The following DIP2B variants were observed in gnomAD, a reference collection of about 807,000 sequenced individuals.
The protein encoded by DIP2B is disco-interacting protein 2 homolog B.
DIP2B carries 76 observed loss-of-function variants against 198.0 expected under a neutral mutation model. The observed-to-expected ratio is 0.38, with a 90% CI of 0.32 to 0.46. The LOEUF (loss-of-function observed/expected upper bound fraction) is 0.46. Among genes scored for constraint, DIP2B ranks in the 20% least tolerant of loss-of-function variants. The pLI, the probability that DIP2B is intolerant of heterozygous loss-of-function variation, is 0.99. For missense variants in DIP2B, 1,559 were observed against 1,978.4 expected, an observed-to-expected ratio of 0.79 and a Z score of 4.02; for synonymous variants, 701 against 739.1, an observed-to-expected ratio of 0.95 and a Z score of 0.84.
At chr12:50,531,486 G>C (rs1019281923) in intron 1 of DIP2B, among the ~76,000 whole-genome samples, 1 of 152,206 alleles carries the variant, frequency 6.6e-6, no homozygotes, top group Non-Finnish European at 1.5e-5. Flanking sequence ...AAAACAACAA[G>C]GAGTATTAAG....
intron 1 of DIP2B, among the ~76,000 whole-genome samples, chr12:50,560,499 C>T (rs899539370): frequency 6.6e-6 from 1 of 151,908 alleles, no homozygotes; most frequent in African/African-American, 2.4e-5. Context: ...ACCTGGGAGG[C>T]GGAGGTTACA....
intron 4 of DIP2B, among the ~76,000 whole-genome samples, chr12:50,660,842 ATGTG>A (rs757629027): frequency 1.3e-4 from 20 of 152,034 alleles, no homozygotes; most frequent in African/African-American, 3.9e-4. Flanking sequence ...AAGTGTGTTT[ATGTG>A]TGTGTGTGTT....
At position 50,540,053 on chromosome 12, in the gene DIP2B, GTTTTTTTTTTTTTT is replaced by G. The variant is rs60978324; in HGVS notation, c.100+34829_100+34842del. 5.5e-3 allele frequency among the ~76,000 whole-genome samples: 242 copies of G among 44,182 alleles called. 1 individual carries two copies. The highest frequency in any genetic ancestry group is 0.01 in the South Asian group (12 of 1,162). 29.0% of individuals were successfully genotyped at this position (44,182 alleles called of 152,430 possible). The stretch of plus-strand genomic sequence containing the variant: ...TGGCAGGTAGTTTAGTTGTTTCTGT[GTTTTTTTTTTTTTT>G]TTTTTTTTTTTTTTTGCTATTGCAA... On this transcript the variant is annotated intron_variant, in intron 1 of 37. Transcript: ENST00000301180.
intron 3 of DIP2B, among the ~76,000 whole-genome samples, chr12:50,649,922 A>C (rs1427445163): frequency 6.6e-6 from 1 of 152,026 alleles, no homozygotes; most frequent in African/African-American, 2.4e-5. Context: ...TTAAGTGCCA[A>C]ACGAGCCCGT....
At chr12:50,696,316 C>G (rs1939310914) in intron 16 of DIP2B, among the ~76,000 whole-genome samples, 1 of 152,162 alleles carries the variant, frequency 6.6e-6, no homozygotes, top group African/African-American at 2.4e-5. Context: ...TGATGGGCTT[C>G]TTTTTCTTAG....
chr12:50,580,815 A>G lies in DIP2B; in HGVS notation c.101-45161A>G, dbSNP rs1490740003. 7.4e-5 allele frequency among the ~76,000 whole-genome samples: 11 copies of G among 148,868 alleles called. 1 individual carries two copies. The highest frequency in any genetic ancestry group is 5.5e-4 in the Admixed American group (8 of 14,452). On this transcript the variant is annotated intron_variant, in intron 1 of 37. Coordinates refer to ENST00000301180, the MANE Select transcript of DIP2B (RefSeq NM_173602.3). ...AATTACTAATTGTTTTGTTACAGCA[A>G]TACTTTCACACACTTTATGTTCAAA...
rs546655100 is a variant in DIP2B at position 50,736,014 on chromosome 12, T to G, written c.4101+884T>G. On this transcript the variant is annotated intron_variant, in intron 34 of 37. Transcript: ENST00000301180. Reference sequence around the variant, plus strand: ...AGGATGATAGGAAACCCACATGCATTGTCAAGACAAGTGGGAATTTCTCTG... The same window carrying G: ...AGGATGATAGGAAACCCACATGCATGGTCAAGACAAGTGGGAATTTCTCTG... 1.1e-4 allele frequency among the ~76,000 whole-genome samples: 17 copies of G among 152,330 alleles called. No homozygotes were observed. The East Asian group carries it at 2.9e-3, about 26-fold the overall frequency.
chr12:50,510,178 G>A (rs896224797), intron 1 of DIP2B, among the ~76,000 whole-genome samples: 1 of 152,140 alleles, frequency 6.6e-6, no homozygotes, highest in Admixed American at 6.5e-5. Context: ...ATTATAAACT[G>A]ATTTTAGTTG....
intron 25 of DIP2B, among the ~76,000 whole-genome samples, chr12:50,720,233 A>G (rs1011183293): frequency 1.3e-5 from 2 of 151,954 alleles, no homozygotes; most frequent in Non-Finnish European, 2.9e-5. Context: ...CGGCCTATAT[A>G]TTGTATTTTA....
intron 16 of DIP2B, among the ~76,000 whole-genome samples, chr12:50,696,856 C>G (rs1281369976): frequency 6.6e-6 from 1 of 152,130 alleles, no homozygotes; most frequent in African/African-American, 2.4e-5. Context: ...TGTCAGTGAC[C>G]TTTTATGGGC....
In DIP2B at chr12:50,609,943, A is replaced by G. The variant is rs532506945; in HGVS notation, c.101-16033A>G. Among the ~76,000 whole-genome samples the G allele has an allele frequency of 3.9e-5, 6 of 152,364 alleles. No homozygotes were observed. In the East Asian group the frequency reaches 9.6e-4, roughly 24 times the overall value. ...AAACTGCATTACAAGAACATTTGTT[A>G]TAACTAATAAAGGAAGTAAGTAAAT... is the stretch of plus-strand genomic sequence containing the variant. On this transcript the variant is annotated intron_variant, in intron 1 of 37. Transcript: ENST00000301180.
chr12:50,589,256 A>C (rs1271789901), intron 1 of DIP2B, among the ~76,000 whole-genome samples: 1 of 144,826 alleles, frequency 6.9e-6, no homozygotes, highest in African/African-American at 2.6e-5. Context: ...TTTTTTTGAG[A>C]TGGAGTACCA....
At chr12:50,694,516 C>A (rs201076294) in intron 14 of DIP2B, among the ~76,000 whole-genome samples, 2 of 20,734 alleles carry the variant, frequency 9.6e-5, no homozygotes, top group Non-Finnish European at 1.3e-4. Flanking sequence ...TACATACATA[C>A]ATACATACAT....
At chr12:50,560,227 T>C (rs1215933511) in intron 1 of DIP2B, among the ~76,000 whole-genome samples, 7 of 151,896 alleles carry the variant, frequency 4.6e-5, no homozygotes, top group African/African-American at 1.7e-4. Context: ...ACCCCGTCTC[T>C]ACTAAAAATA....
At chr12:50,708,134 C>T (rs1184325371) in intron 21 of DIP2B, among the ~76,000 whole-genome samples, 1 of 151,978 alleles carries the variant, frequency 6.6e-6, no homozygotes, top group Non-Finnish European at 1.5e-5. Context: ...CACCACTCCA[C>T]CCCCTGTATA....
Position 50,735,813 on chromosome 12 carries a change from T to A in DIP2B, c.4101+683T>A, listed in dbSNP as rs140631003. Among the ~76,000 whole-genome samples the A allele has an allele frequency of 3.8e-3, 577 of 152,234 alleles. 1 individual carries two copies. Among genetic ancestry groups the A allele is most frequent in the Non-Finnish European group, 6.6e-3 (452 of 68,006 alleles). ...AGGAGAAAGCTAGGAGAGGCCGAGA[T>A]GGGAGTGTGGTTTAAGGTCAGGGAA... On this transcript the variant is annotated intron_variant, in intron 34 of 37. Coordinates refer to ENST00000301180, the MANE Select transcript of DIP2B (RefSeq NM_173602.3).
At chr12:50,647,109 G>A (rs1004658033) in intron 3 of DIP2B, among the ~76,000 whole-genome samples, 22 of 152,182 alleles carry the variant, frequency 1.4e-4, no homozygotes, top group African/African-American at 4.8e-4. Flanking sequence ...ATGAAATGGA[G>A]TGACACAATC....
chr12:50,729,472 G>A (rs1052994380), intron 30 of DIP2B, among the ~76,000 whole-genome samples: 12 of 152,176 alleles, frequency 7.9e-5, no homozygotes, highest in Non-Finnish European at 2.9e-5. Context: ...CACACCACCA[G>A]TATTTTTAAA....
intron 2 of DIP2B, among the ~76,000 whole-genome samples, chr12:50,627,644 G>T (rs1565850073): frequency 6.6e-6 from 1 of 152,200 alleles, no homozygotes; most frequent in African/African-American, 2.4e-5. Flanking sequence ...TGAGAAATCT[G>T]TATGGTCAGC....
Sources: gnomAD v4.1 joint callset for allele counts (sites outside exome capture counted in the v4.1 genomes callset) on GRCh38, gnomAD v4.1.1 for gene constraint, MANE v1.5 for transcripts, NCBI Gene and HGNC (gene_info 2026-07-23, HGNC 2026-07-21) for gene names.